Variants in DDOST observed in about 807,000 individuals in gnomAD.
DDOST encodes dolichyl-diphosphooligosaccharide--protein glycosyltransferase 48 kDa subunit.
Under a neutral mutation model 47.6 loss-of-function variants are expected in DDOST, and 25 were observed. That is an observed-to-expected ratio of 0.53 (90% CI 0.38 to 0.73). The LOEUF is 0.73. Ranked by LOEUF, DDOST falls within the 30% of genes least tolerant of loss-of-function variation. DDOST has a pLI of 0.00. For synonymous variants in DDOST, 275 were observed against 236.0 expected (o/e 1.17, Z -1.51); for missense variants, 526 against 573.9 (o/e 0.92, Z 0.85).
intron 5 of DDOST, among the ~76,000 whole-genome samples, chr1:20,654,964 A>G (rs1196841726): frequency 6.6e-6 from 1 of 152,086 alleles, no homozygotes; most frequent in African/African-American, 2.4e-5. Context: ...GGTTCAAGCA[A>G]TTCTCTTGCA....
rs996505869 is a variant in DDOST, at chr1:20,652,296, A to T, written c.*83T>A. ...AGTTGTGCCATTTTCCCACGGCTTT[A>T]AACAAAGCAAAACAAAACCACCAAT... On this transcript the variant is annotated 3_prime_UTR_variant, in exon 11 of 11. Transcript: ENST00000602624. 15 of 1,395,148 alleles carry T rather than the reference A, an allele frequency of 1.1e-5. No individual in the cohort carries two copies. The highest frequency in any genetic ancestry group is 1.4e-5 in the Non-Finnish European group (15 of 1,053,988). 86.4% of individuals were successfully genotyped at this position (1,395,148 alleles called of 1,614,324 possible).
At chr1:20,655,584 C>A (rs1392020028) in intron 4 of DDOST, 50 bp from the exon 5 acceptor site, 1 of 1,589,544 alleles carries the variant, frequency 6.3e-7, no homozygotes, top group Non-Finnish European at 8.6e-7. Context: ...GTTCCCCAAG[C>A]CAGGGAGAAC....
rs2053287611 is a variant in DDOST at position 20,651,801 on chromosome 1, T to TTTTATTTCTTTATTTATTTA, written c.*577_*578insTAAATAAATAAAGAAATAAA. Reference sequence around the variant, plus strand: ...GTTTGAGGGCAACATCTCGCTTTATTTTTATTTATTTATTTATTTATTTAT... The same window carrying TTTTATTTCTTTATTTATTTA: ...GTTTGAGGGCAACATCTCGCTTTATTTTTATTTCTTTATTTATTTATTTATTTATTTATTTATTTATTTAT... On this transcript the variant is annotated 3_prime_UTR_variant, in exon 11 of 11. Transcript: ENST00000602624. 1 of 147,120 alleles carries TTTTATTTCTTTATTTATTTA rather than the reference T, an allele frequency of 6.8e-6. No homozygotes were observed. Among genetic ancestry groups the TTTTATTTCTTTATTTATTTA allele is most frequent in the East Asian group, 2.0e-4 (1 of 4,962 alleles). The allele number at this position is 147,120 out of a possible 1,614,324, so 9.1% of individuals were successfully genotyped here.
intron 9 of DDOST, 35 bp from the exon 10 acceptor site, chr1:20,652,762 T>C: frequency 6.2e-7 from 1 of 1,613,582 alleles, no homozygotes; most frequent in Non-Finnish European, 8.5e-7. Flanking sequence ...CCGGGAGGGG[T>C]TTCCCAGAGC....
chr1:20,652,539 A>C lies in DDOST; in HGVS notation c.1171-11T>G. On this transcript the variant is annotated splice_polypyrimidine_tract_variant and intron_variant, in intron 10 of 10. Transcript: ENST00000602624. ...TGGCCGCACGGATACCTGCAGGAGG[A>C]CAGAGGTGGCAGGACCTGGCCACTG... The C allele has an allele frequency of 6.2e-7, 1 of 1,613,962 alleles. No individual in the cohort carries two copies. Among genetic ancestry groups the C allele is most frequent in the Non-Finnish European group, 8.5e-7 (1 of 1,179,906 alleles).
rs532150969 is a variant in DDOST, at chr1:20,660,953, G to A, written c.193C>T (p.Pro65Ser). Residue 65 changes from proline (P) to serine (S), a missense_variant, in exon 2 of 11, where the codon CCC becomes TCC. Pro to Ser is a moderately conservative substitution (Grantham distance 74). Transcript: ENST00000602624. ...CCATACTTTATGAGAGACAGGCTGG[G>A]GTCATCAGCGGTCTTGAATGTGAGC... ...FELTFKTADDPSLSLIKYGEF... is the reference protein window; with the variant it reads ...FELTFKTADDSSLSLIKYGEF... 2.5e-6 allele frequency: 4 copies of A among 1,613,920 alleles called. No individual in the cohort carries two copies. The highest frequency in any genetic ancestry group is 1.6e-4 in the Middle Eastern group (1 of 6,062).
At chr1:20,654,488 G>A in intron 6 of DDOST, 117 bp from the exon 7 acceptor site, 1 of 1,408,330 alleles carries the variant, frequency 7.1e-7, no homozygotes, top group Non-Finnish European at 9.8e-7. Flanking sequence ...ACCTGAAGGG[G>A]GAGCCTGAGA....
Position 20,653,775 on chromosome 1 carries a change from C to G in DDOST, c.795-1G>C. On this transcript the variant is annotated splice_acceptor_variant, in intron 7 of 10. Coordinates refer to ENST00000602624, the MANE Select transcript of DDOST (RefSeq NM_005216.5). LOFTEE classifies it high-confidence loss of function. ...TTCATAGTTGCCTGTCTGGGAATAC[C>G]TGCAGGAGGGAAACAGGAGCAGCTT... 6.2e-7 allele frequency: 1 copy of G among 1,612,210 alleles called. No homozygotes were observed. Among genetic ancestry groups the G allele is most frequent in the Non-Finnish European group, 8.5e-7 (1 of 1,178,836 alleles).
chr1:20,658,418 G>A (rs981463298), intron 2 of DDOST, among the ~76,000 whole-genome samples: 1 of 152,228 alleles, frequency 6.6e-6, no homozygotes, highest in Non-Finnish European at 1.5e-5. Flanking sequence ...ACCCTGCCCT[G>A]CAGCTTCCTC....
rs199879145 is a variant in DDOST at position 20,651,803 on chromosome 1, T to A, written c.*576A>T. Reference sequence around the variant, plus strand: ...TTGAGGGCAACATCTCGCTTTATTTTTATTTATTTATTTATTTATTTATTT... The same window carrying A: ...TTGAGGGCAACATCTCGCTTTATTTATATTTATTTATTTATTTATTTATTT... On this transcript the variant is annotated 3_prime_UTR_variant, in exon 11 of 11. Coordinates refer to ENST00000602624, the MANE Select transcript of DDOST (RefSeq NM_005216.5). 1 of 27,560 alleles carries A rather than the reference T, an allele frequency of 3.6e-5. No homozygotes were observed. Among genetic ancestry groups the A allele is most frequent in the African/African-American group, 1.3e-4 (1 of 7,526 alleles). The allele number at this position is 27,560 out of a possible 1,614,324, so 1.7% of individuals were successfully genotyped here.
Position 20,660,882 on chromosome 1 carries a change from T to A in DDOST, c.264A>T (p.Glu88Asp), listed in dbSNP as rs1231502177. 1.6e-5 allele frequency: 25 copies of A among 1,587,188 alleles called. No homozygotes were observed. The highest frequency in any genetic ancestry group is 2.1e-5 in the Non-Finnish European group (24 of 1,155,756). ...CTAGGGGCGACGCGGAACCCTTACC[T>A]TCTACCGAAGGGGAGAAAATGATGA... The part of the protein sequence containing the change: ...DNLIIFSPSV[E>D]DFGGNINVET... Residue 88 changes from glutamate (E) to aspartate (D), a missense_variant and splice_region_variant, in exon 2 of 11, where the codon GAA (glutamate) becomes GAT (aspartate). By Grantham distance (45) the Glu-to-Asp change is conservative. Transcript: ENST00000602624.
At chr1:20,657,762 G>A (rs1403725680) in intron 2 of DDOST, among the ~76,000 whole-genome samples, 2 of 152,182 alleles carry the variant, frequency 1.3e-5, no homozygotes, top group Admixed American at 6.5e-5. Flanking sequence ...TCAGGCATAC[G>A]CAGAAGCTCC....
intron 2 of DDOST, among the ~76,000 whole-genome samples, chr1:20,657,713 C>A (rs1319214915): frequency 6.6e-6 from 1 of 152,188 alleles, no homozygotes; most frequent in East Asian, 1.9e-4. Flanking sequence ...GAGGGGTAAT[C>A]TTCAGCAGAA....
chr1:20,655,808 A>G (rs2053366077), intron 3 of DDOST, 29 bp from the exon 4 acceptor site: 1 of 1,592,586 alleles, frequency 6.3e-7, no homozygotes, highest in African/African-American at 1.3e-5. Flanking sequence ...CACCTAGCTG[A>G]GCCCTTACAG....
chr1:20,654,633 G>T lies in DDOST; in HGVS notation c.626C>A (p.Pro209Gln). Residue 209 changes from proline to glutamine, a missense_variant, in exon 6 of 11, where the codon CCG becomes CAG. Coordinates refer to ENST00000602624, the MANE Select transcript of DDOST (RefSeq NM_005216.5). Reference protein sequence around the residue: ...TGSSTSYSFFPDKPITQYPHA... With the variant: ...TGSSTSYSFFQDKPITQYPHA... ...CCTTACCTGGGTGATAGGCTTGTCC[G>T]GGAAGAAGGAGTAAGAGGTGGAAGA... 2 of 1,563,748 alleles carry T rather than the reference G, an allele frequency of 1.3e-6. No homozygotes were observed. Among genetic ancestry groups the T allele is most frequent in the East Asian group, 4.7e-5 (2 of 42,262 alleles).
At position 20,654,234 on chromosome 1, in the gene DDOST, G is replaced by A. The variant is rs886045869; in HGVS notation, c.783C>T (p.Pro261=). Residue 261 remains proline, a synonymous_variant, in exon 7 of 11, where the codon CCC becomes CCT. Transcript: ENST00000602624. ...FFNSAVQKAA[P]GSQRYSQTGN... Reference sequence around the variant, plus strand: ...CTCCTGGCAGCTACCTCTGGGAGCCGGGCGCCGCCTTCTGCACTGCTGAGT... The same window carrying A: ...CTCCTGGCAGCTACCTCTGGGAGCCAGGCGCCGCCTTCTGCACTGCTGAGT... 40 of 1,550,542 alleles carry A rather than the reference G, an allele frequency of 2.6e-5. No homozygotes were observed. Among genetic ancestry groups the A allele is most frequent in the South Asian group, 2.3e-4 (19 of 84,032 alleles).
In DDOST at chr1:20,653,926, G is replaced by A; in HGVS notation, c.795-152C>T. 1.2e-5 allele frequency: 11 copies of A among 937,176 alleles called. No homozygotes were observed. In the South Asian group the frequency reaches 1.2e-4, roughly 11 times the overall value. 58.1% of individuals were successfully genotyped at this position (937,176 alleles called of 1,614,324 possible). ...CTAGGGACTCATGGTTAAAGGGAAC[G>A]CAGGAAACAAACGAAAAGATATGGC... On this transcript the variant is annotated intron_variant, in intron 7 of 10. Transcript: ENST00000602624.
rs1256418393 is a variant in DDOST, at chr1:20,652,355, C to T, written c.*24G>A. On this transcript the variant is annotated 3_prime_UTR_variant, in exon 11 of 11. Coordinates refer to ENST00000602624, the MANE Select transcript of DDOST (RefSeq NM_005216.5). ...CCCCCCTCCTTGCCCCGTCTCCACG[C>T]TGTGCGGAGAGGGCTCTAGCCCCTC... 5 of 1,582,608 alleles carry T rather than the reference C, an allele frequency of 3.2e-6. No individual in the cohort carries two copies. The Admixed American group carries it at 5.6e-5, about 18-fold the overall frequency.
At chr1:20,656,336 C>T (rs1267321228) in intron 2 of DDOST, 149 bp from the exon 3 acceptor site, 6 of 629,182 alleles carry the variant, frequency 9.5e-6, no homozygotes, top group Non-Finnish European at 1.7e-5. Flanking sequence ...AGGCTTCCCA[C>T]ACCACATCCC....
Sources: allele counts gnomAD v4.1 joint callset (sites outside exome capture counted in the v4.1 genomes callset), GRCh38; gene constraint gnomAD v4.1.1; transcripts MANE v1.5; gene names NCBI Gene and HGNC (gene_info 2026-07-23, HGNC 2026-07-21).